The following NSL1 variants were observed in gnomAD, a reference collection of about 807,000 sequenced individuals.
NSL1 encodes NSL1 component of MIS12 kinetochore complex.
Under a neutral mutation model 25.4 loss-of-function variants are expected in NSL1, and 11 were observed. That is an observed-to-expected ratio of 0.43 (90% CI 0.27 to 0.72). The LOEUF is 0.72. Among genes scored for constraint, NSL1 ranks in the 30% least tolerant of loss-of-function variants. The pLI is 0.19. For missense variants in NSL1, 330 were observed against 342.7 expected (o/e 0.96, Z 0.29); for synonymous variants, 118 against 120.6 (o/e 0.98, Z 0.14).
intron 1 of NSL1, among the ~76,000 whole-genome samples, chr1:212,791,216 A>G (rs1661236280): frequency 6.6e-6 from 1 of 152,208 alleles, no homozygotes. Flanking sequence ...ATGTTAAAAT[A>G]CCTTGGATTT....
intron 1 of NSL1, among the ~76,000 whole-genome samples, chr1:212,790,575 T>G (rs2102412094): frequency 6.6e-6 from 1 of 152,140 alleles, no homozygotes; most frequent in African/African-American, 2.4e-5. Flanking sequence ...ATTTAAAAGC[T>G]CATAATACCG....
chr1:212,732,084 TATAA>T lies in NSL1; in HGVS notation c.*6320_*6323del, dbSNP rs1289257638. On this transcript the variant is annotated 3_prime_UTR_variant, in exon 6 of 6. Coordinates refer to ENST00000366977, the MANE Select transcript of NSL1 (RefSeq NM_015471.4). ...TTCAGGGTTTTTATTATTATGGCTATATAAATATTGTTCACTGGAGAACTAATTT... is the reference window on the plus strand; with the variant it reads ...TTCAGGGTTTTTATTATTATGGCTATATATTGTTCACTGGAGAACTAATTT... The T allele has an allele frequency of 1.0e-6, 1 of 972,660 alleles. No homozygotes were observed. The highest frequency in any genetic ancestry group is 6.2e-5 in the Admixed American group (1 of 16,098). The allele number at this position is 972,660 out of a possible 1,614,324, so 60.3% of individuals were successfully genotyped here.
intron 4 of NSL1, among the ~76,000 whole-genome samples, chr1:212,744,564 C>T (rs1041527385): frequency 2.0e-5 from 3 of 152,112 alleles, no homozygotes; most frequent in Non-Finnish European, 4.4e-5. Flanking sequence ...ACTGGACTGA[C>T]TAGATAAAGA....
intron 4 of NSL1, among the ~76,000 whole-genome samples, chr1:212,750,915 A>G (rs1296176565): frequency 1.3e-5 from 2 of 152,106 alleles, no homozygotes; most frequent in East Asian, 3.9e-4. Context: ...CACTCCAGCC[A>G]GAGTCACAGA....
intron 4 of NSL1, among the ~76,000 whole-genome samples, chr1:212,765,295 A>G (rs1448155864): frequency 6.6e-6 from 1 of 152,186 alleles, no homozygotes; most frequent in African/African-American, 2.4e-5. Context: ...AAAGAAAACT[A>G]CAGACCAATA....
At chr1:212,747,897 T>TG (rs1250279808) in intron 4 of NSL1, among the ~76,000 whole-genome samples, 1 of 152,174 alleles carries the variant, frequency 6.6e-6, no homozygotes, top group Non-Finnish European at 1.5e-5. Context: ...CCTGAGTAGC[T>TG]GGGACTACAG....
chr1:212,761,954 A>G (rs1279251255), intron 4 of NSL1, among the ~76,000 whole-genome samples: 1 of 147,874 alleles, frequency 6.8e-6, no homozygotes, highest in Non-Finnish European at 1.5e-5. Flanking sequence ...CAGTAACACT[A>G]ATGACAGCTG....
chr1:212,732,065 GTTT>G lies in NSL1; in HGVS notation c.*6340_*6342del. 1.1e-6 allele frequency: 1 copy of G among 948,958 alleles called. No individual in the cohort carries two copies. The highest frequency in any genetic ancestry group is 1.2e-6 in the Non-Finnish European group (1 of 808,012). The allele number at this position is 948,958 out of a possible 1,614,324, so 58.8% of individuals were successfully genotyped here. On this transcript the variant is annotated 3_prime_UTR_variant, in exon 6 of 6. Transcript: ENST00000366977. ...TTTTTTTACTGAATTCAGATTCAGG[GTTT>G]TTATTATTATGGCTATATAAATATT...
At chr1:212,779,871 G>C (rs1660629514) in intron 4 of NSL1, among the ~76,000 whole-genome samples, 1 of 148,220 alleles carries the variant, frequency 6.7e-6, no homozygotes, top group South Asian at 2.2e-4. Flanking sequence ...CCCCGTCCGG[G>C]AGGGAGGTGG....
In NSL1 at chr1:212,735,531, A is replaced by C; in HGVS notation, c.*2877T>G. The C allele has an allele frequency of 1.0e-6, 1 of 985,406 alleles. No homozygotes were observed. Among genetic ancestry groups the C allele is most frequent in the Non-Finnish European group, 1.2e-6 (1 of 829,916 alleles). The allele number at this position is 985,406 out of a possible 1,614,324, so 61.0% of individuals were successfully genotyped here. A position where few individuals can be genotyped will look rare whatever the true frequency, so the allele number is the denominator to read the frequency against. On this transcript the variant is annotated 3_prime_UTR_variant, in exon 6 of 6. Transcript: ENST00000366977. ...AAAGGGCCAGGGAAAGAGGTCTAGGATAAGATTTTCTGTGGGCTTGTGTTA... is the reference window on the plus strand; with the variant it reads ...AAAGGGCCAGGGAAAGAGGTCTAGGCTAAGATTTTCTGTGGGCTTGTGTTA...
chr1:212,779,390 A>G (rs2102396671), intron 4 of NSL1, among the ~76,000 whole-genome samples: 1 of 133,216 alleles, frequency 7.5e-6, no homozygotes, highest in Admixed American at 7.5e-5. Context: ...TGGGGGGGTC[A>G]GCCCCCCGCC....
Position 212,729,086 on chromosome 1 carries a change from G to T in NSL1, c.*9322C>A, listed in dbSNP as rs937144245. On this transcript the variant is annotated 3_prime_UTR_variant, in exon 6 of 6. Coordinates refer to ENST00000366977, the MANE Select transcript of NSL1 (RefSeq NM_015471.4). Reference sequence around the variant, plus strand: ...ACAAGAAAAATAAATTGCAGTAAGTGTTAAAACTTGCCAGTCAATTACAGG... The same window carrying T: ...ACAAGAAAAATAAATTGCAGTAAGTTTTAAAACTTGCCAGTCAATTACAGG... The T allele has an allele frequency of 7.1e-6, 7 of 985,414 alleles. No individual in the cohort carries two copies. The African/African-American group carries it at 8.7e-5, about 12-fold the overall frequency. 61.0% of individuals were successfully genotyped at this position (985,414 alleles called of 1,614,324 possible).
chr1:212,764,191 A>C (rs2102457240), intron 4 of NSL1, among the ~76,000 whole-genome samples: 1 of 152,368 alleles, frequency 6.6e-6, no homozygotes, highest in South Asian at 2.1e-4. Context: ...TTGGGTTAAC[A>C]ATGAAATCAA....
Position 212,738,684 on chromosome 1 carries a change from G to T in NSL1, c.570C>A (p.Ser190=), listed in dbSNP as rs898401156. 5.0e-6 allele frequency: 8 copies of T among 1,611,542 alleles called. No individual in the cohort carries two copies. The highest frequency in any genetic ancestry group is 6.8e-6 in the Non-Finnish European group (8 of 1,178,718). The part of the protein sequence containing the change: ...VAKEISEAMK[S]LPALIEQGEG... Reference sequence around the variant, plus strand: ...CTCCTTGTTCAATTAATGCAGGCAAGGACTTCAAACAAACAAACAGTAATA... The same window carrying T: ...CTCCTTGTTCAATTAATGCAGGCAATGACTTCAAACAAACAAACAGTAATA... The change falls in exon 6 of 6, where the codon TCC becomes TCA. Residue 190 remains serine (S), a splice_region_variant and synonymous_variant. Transcript: ENST00000366977.
At position 212,732,099 on chromosome 1, in the gene NSL1, C is replaced by T. The variant is rs908743880; in HGVS notation, c.*6309G>A. ...ATTATGGCTATATAAATATTGTTCA[C>T]TGGAGAACTAATTTGTAACCATGAT... On this transcript the variant is annotated 3_prime_UTR_variant, in exon 6 of 6. Transcript: ENST00000366977. 1.9e-5 allele frequency: 19 copies of T among 978,120 alleles called. No individual in the cohort carries two copies. The highest frequency in any genetic ancestry group is 2.3e-5 in the Non-Finnish European group (19 of 824,858). 60.6% of individuals were successfully genotyped at this position (978,120 alleles called of 1,614,324 possible).
chr1:212,762,836 T>G (rs1659638976), intron 4 of NSL1, among the ~76,000 whole-genome samples: 1 of 152,230 alleles, frequency 6.6e-6, no homozygotes, highest in African/African-American at 2.4e-5. Context: ...AAGCCATTCC[T>G]GACTGCATCT....
intron 4 of NSL1, among the ~76,000 whole-genome samples, chr1:212,772,381 C>T (rs1660160174): frequency 1.3e-5 from 2 of 152,154 alleles, no homozygotes; most frequent in Admixed American, 1.3e-4. Flanking sequence ...AATCCTAGGC[C>T]AGGTACAGTG....
Position 212,736,182 on chromosome 1 carries a change from T to C in NSL1, c.*2226A>G. ...CCTCCTGGGTGGCTGGGACTACAGG[T>C]GTGTGCCATCACACCCTGCTAATTT... On this transcript the variant is annotated 3_prime_UTR_variant, in exon 6 of 6. Coordinates refer to ENST00000366977, the MANE Select transcript of NSL1 (RefSeq NM_015471.4). 1 of 597,730 alleles carries C rather than the reference T, an allele frequency of 1.7e-6. No individual in the cohort carries two copies. Among genetic ancestry groups the C allele is most frequent in the Non-Finnish European group, 2.1e-6 (1 of 475,580 alleles). 37.0% of individuals were successfully genotyped at this position (597,730 alleles called of 1,614,324 possible).
At chr1:212,779,284 T>TG (rs1258384106) in intron 4 of NSL1, among the ~76,000 whole-genome samples, 3 of 108,952 alleles carry the variant, frequency 2.8e-5, no homozygotes, top group African/African-American at 1.1e-4. Context: ...CGGAGGGAGG[T>TG]GGGGGTCAGC....
Sources: allele counts gnomAD v4.1 joint callset (sites outside exome capture counted in the v4.1 genomes callset), GRCh38; gene constraint gnomAD v4.1.1; transcripts MANE v1.5; gene names NCBI Gene and HGNC (gene_info 2026-07-23, HGNC 2026-07-21).